The following WAC variants were observed in gnomAD, a reference collection of about 807,000 sequenced individuals.
The protein encoded by WAC is WW domain containing adaptor with coiled-coil, also known as WW domain-containing adapter protein with coiled-coil.
A neutral mutation model predicts 79.6 loss-of-function variants in WAC; 11 were observed. The observed-to-expected ratio is 0.14, with a 90% CI of 0.09 to 0.23. WAC has a LOEUF of 0.23. Ranked by LOEUF, WAC falls within the 10% of genes least tolerant of loss-of-function variation. WAC has a pLI of 1.00. For missense variants in WAC, 728 were observed against 773.5 expected (o/e 0.94, Z 0.70); for synonymous variants, 304 against 276.9 (o/e 1.10, Z -0.97).
intron 7 of WAC, among the ~76,000 whole-genome samples, chr10:28,607,951 A>G (rs752011732): frequency 6.6e-6 from 1 of 152,332 alleles, no homozygotes; most frequent in Non-Finnish European, 1.5e-5. Flanking sequence ...TTATGGCTTC[A>G]GGTTATCTAA....
In WAC at chr10:28,603,255, T is replaced by C. The variant is rs142062000; in HGVS notation, c.920-4931T>C. 4.6e-5 allele frequency among the ~76,000 whole-genome samples: 7 copies of C among 152,338 alleles called. No homozygotes were observed. In the East Asian group the frequency reaches 1.3e-3, roughly 29 times the overall value. On this transcript the variant is annotated intron_variant, in intron 7 of 13. Coordinates refer to ENST00000354911, the MANE Select transcript of WAC (RefSeq NM_016628.5). Reference sequence around the variant, plus strand: ...ATGAGCTTTTAAAAAAATTGCATGTTTTAAGAAAATTTACAAATTTGTGTC... The same window carrying C: ...ATGAGCTTTTAAAAAAATTGCATGTCTTAAGAAAATTTACAAATTTGTGTC...
At chr10:28,574,221 C>T (rs947177643) in intron 3 of WAC, among the ~76,000 whole-genome samples, 1 of 152,098 alleles carries the variant, frequency 6.6e-6, no homozygotes, top group East Asian at 1.9e-4. Flanking sequence ...GATCTCGGCT[C>T]ACTACAACCT....
At chr10:28,563,064 C>G (rs770862991) in intron 3 of WAC, among the ~76,000 whole-genome samples, 13 of 152,212 alleles carry the variant, frequency 8.5e-5, no homozygotes, top group Middle Eastern at 6.8e-3. Context: ...CAGCATGACT[C>G]TTTTATTCAA....
intron 10 of WAC, among the ~76,000 whole-genome samples, chr10:28,612,168 A>G (rs901363472): frequency 7.2e-5 from 11 of 152,200 alleles, no homozygotes; most frequent in Admixed American, 3.3e-4. Flanking sequence ...GATTTGTCAC[A>G]TGGAGAGTGA....
intron 3 of WAC, among the ~76,000 whole-genome samples, chr10:28,548,409 G>C (rs1837484074): frequency 6.6e-6 from 1 of 151,918 alleles, no homozygotes; most frequent in African/African-American, 2.4e-5. Flanking sequence ...TCTTTTGCCT[G>C]GTAAATAGTA....
chr10:28,590,383 T>C (rs1225868734), intron 5 of WAC, among the ~76,000 whole-genome samples: 2 of 151,842 alleles, frequency 1.3e-5, no homozygotes, highest in African/African-American at 2.4e-5. Flanking sequence ...GAATAGTCAG[T>C]ATAGTTAATA....
intron 3 of WAC, among the ~76,000 whole-genome samples, chr10:28,555,534 G>A (rs1342298031): frequency 6.6e-6 from 1 of 152,252 alleles, no homozygotes; most frequent in African/African-American, 2.4e-5. Context: ...AATGCAGCAT[G>A]AGCAAGTGGG....
intron 3 of WAC, among the ~76,000 whole-genome samples, chr10:28,571,102 C>A (rs1000734374): frequency 1.8e-4 from 27 of 151,362 alleles, no homozygotes; most frequent in African/African-American, 6.5e-4. Context: ...GGACTACAGG[C>A]GCTCGCCACC....
At chr10:28,568,303 G>T (rs1342491615) in intron 3 of WAC, among the ~76,000 whole-genome samples, 1 of 152,168 alleles carries the variant, frequency 6.6e-6, no homozygotes. Context: ...TGAATTAATG[G>T]CTTTTTAAGT....
At chr10:28,613,037 C>G (rs1027261522) in intron 10 of WAC, among the ~76,000 whole-genome samples, 4 of 152,196 alleles carry the variant, frequency 2.6e-5, no homozygotes, top group African/African-American at 9.6e-5. Flanking sequence ...AATTACAGCA[C>G]TTAGGAGGCC....
chr10:28,611,955 A>G, intron 10 of WAC, 33 bp downstream of exon 10: 2 of 1,598,626 alleles, frequency 1.3e-6, no homozygotes, highest in South Asian at 2.3e-5. Context: ...TCGGAAAAGA[A>G]ACTACTTACT....
At chr10:28,582,917 C>T (rs939742311) in intron 3 of WAC, among the ~76,000 whole-genome samples, 6 of 152,128 alleles carry the variant, frequency 3.9e-5, no homozygotes, top group Non-Finnish European at 5.9e-5. Flanking sequence ...AAAGTTGATG[C>T]TGTTTTATTT....
intron 3 of WAC, among the ~76,000 whole-genome samples, chr10:28,542,984 A>G (rs1406382055): frequency 6.6e-6 from 1 of 152,368 alleles, no homozygotes. Context: ...GTTACCTTGA[A>G]TAGTGCCTGA....
rs368949149 is a variant in WAC at position 28,533,986 on chromosome 10, C to T, written c.42-12C>T. The T allele has an allele frequency of 4.0e-5, 64 of 1,606,202 alleles. No homozygotes were observed. Among genetic ancestry groups the T allele is most frequent in the East Asian group, 9.2e-5 (4 of 43,652 alleles). On this transcript the variant is annotated splice_polypyrimidine_tract_variant and intron_variant, in intron 1 of 13. Transcript: ENST00000354911. Reference sequence around the variant, plus strand: ...GTGTCTTATGTCGCTGCCTTCTCTTCCTGTTTTTCAGCTGTCACGACCGGA... The same window carrying T: ...GTGTCTTATGTCGCTGCCTTCTCTTTCTGTTTTTCAGCTGTCACGACCGGA...
intron 3 of WAC, among the ~76,000 whole-genome samples, chr10:28,567,182 GC>G (rs1838682838): frequency 6.7e-6 from 1 of 150,326 alleles, no homozygotes; most frequent in Admixed American, 6.6e-5. Context: ...CTAAATTCCA[GC>G]TCTTTTTTTT....
chr10:28,586,232 T>C (rs1453851520), intron 4 of WAC, among the ~76,000 whole-genome samples: 3 of 152,194 alleles, frequency 2.0e-5, no homozygotes, highest in African/African-American at 4.8e-5. Context: ...GTTGAAATTA[T>C]CTTTTATTTT....
intron 3 of WAC, among the ~76,000 whole-genome samples, chr10:28,562,273 T>G (rs1422052181): frequency 1.3e-5 from 2 of 152,152 alleles, no homozygotes; most frequent in African/African-American, 4.8e-5. Context: ...GCCAGGCTGG[T>G]CTCGAACTCT....
chr10:28,595,047 CTA>C (rs1460394148), intron 6 of WAC, among the ~76,000 whole-genome samples: 1 of 152,172 alleles, frequency 6.6e-6, no homozygotes, highest in East Asian at 1.9e-4. Flanking sequence ...ATTGTTCTGA[CTA>C]TGCTGCGGGT....
intron 6 of WAC, among the ~76,000 whole-genome samples, chr10:28,595,069 C>G (rs941813829): frequency 3.3e-5 from 5 of 152,130 alleles, no homozygotes; most frequent in African/African-American, 1.2e-4. Flanking sequence ...TGTTGGACTT[C>G]TATTTTCAGA....
Sources: allele counts gnomAD v4.1 joint callset (sites outside exome capture counted in the v4.1 genomes callset), GRCh38; gene constraint gnomAD v4.1.1; transcripts MANE v1.5; gene names NCBI Gene and HGNC (gene_info 2026-07-23, HGNC 2026-07-21).